CXCL17: variants seen among roughly 807,000 people sequenced by gnomAD.
CXCL17 encodes the protein C-X-C motif chemokine ligand 17, also known as C-X-C motif chemokine 17.
CXCL17 carries 9 observed loss-of-function variants against 15.5 expected under a neutral mutation model. The ratio of observed to expected loss-of-function variants is 0.58; its 90% CI spans 0.35 to 1.01. The LOEUF (loss-of-function observed/expected upper bound fraction) is 1.01. Among genes scored for constraint, CXCL17 ranks in the 50% least tolerant of loss-of-function variants. CXCL17 has a pLI of 0.02. For missense variants in CXCL17, 133 were observed against 138.2 expected (o/e 0.96, Z 0.19); for synonymous variants, 52 against 52.3 (o/e 0.99, Z 0.02).
chr19:42,433,187 G>A (rs1341270712), intron 2 of CXCL17, 110 bp from the exon 3 acceptor site: 2 of 717,966 alleles, frequency 2.8e-6, no homozygotes, highest in Non-Finnish European at 4.7e-6. Context: ...CACTGCAATG[G>A]GGTGGGAAAA....
chr19:42,438,384 ATATAT>A (rs2040856502), intron 1 of CXCL17, among the ~76,000 whole-genome samples: 1 of 68,228 alleles, frequency 1.5e-5, no homozygotes, highest in African/African-American at 9.2e-5. Flanking sequence ...AAAAAAAAAT[ATATAT>A]ATATATATAT....
At chr19:42,435,602 G>A (rs764536434) in intron 1 of CXCL17, among the ~76,000 whole-genome samples, 2 of 152,116 alleles carry the variant, frequency 1.3e-5, no homozygotes, top group Non-Finnish European at 2.9e-5. Context: ...GGAGGCCGAG[G>A]TGGGTGAATC....
chr19:42,439,674 A>G (rs567544063), intron 1 of CXCL17, among the ~76,000 whole-genome samples: 5 of 152,230 alleles, frequency 3.3e-5, no homozygotes, highest in African/African-American at 1.2e-4. Context: ...CCAGAGAAGG[A>G]TACATCACTT....
At chr19:42,439,820 A>G (rs2040874306) in intron 1 of CXCL17, among the ~76,000 whole-genome samples, 1 of 152,246 alleles carries the variant, frequency 6.6e-6, no homozygotes, top group Admixed American at 6.5e-5. Context: ...CTGAGAAACT[A>G]TCCCAGGTTG....
chr19:42,435,699 G>A (rs1182659352), intron 1 of CXCL17, among the ~76,000 whole-genome samples: 1 of 151,954 alleles, frequency 6.6e-6, no homozygotes, highest in African/African-American at 2.4e-5. Context: ...GCATGGTGGC[G>A]CGTGCCTGTA....
intron 1 of CXCL17, among the ~76,000 whole-genome samples, chr19:42,437,976 A>T (rs952306128): frequency 2.5e-4 from 38 of 152,110 alleles, no homozygotes; most frequent in Middle Eastern, 6.8e-3. Flanking sequence ...CTATATATAT[A>T]TTTTTTCTAC....
In CXCL17 at chr19:42,440,105, A is replaced by G. The variant is rs1568623447; in HGVS notation, c.79+2649T>C. 2.0e-5 allele frequency among the ~76,000 whole-genome samples: 3 copies of G among 152,310 alleles called. No individual in the cohort carries two copies. In the South Asian group the frequency reaches 6.2e-4, roughly 32 times the overall value. ...AAAAGTAAGAAAAAGTAAGAAATGC[A>G]TTAGATTTGTGAGGACAAATGAGAT... is the stretch of plus-strand genomic sequence containing the variant. On this transcript the variant is annotated intron_variant, in intron 1 of 3. Coordinates refer to ENST00000601181, the MANE Select transcript of CXCL17 (RefSeq NM_198477.3).
intron 1 of CXCL17, among the ~76,000 whole-genome samples, chr19:42,434,353 A>T (rs2040812585): frequency 6.6e-6 from 1 of 152,168 alleles, no homozygotes. Context: ...CTCATGACTT[A>T]AAAGAGTGAG....
chr19:42,442,563 C>T (rs1164688908), intron 1 of CXCL17, among the ~76,000 whole-genome samples, 191 bp downstream of exon 1: 1 of 152,128 alleles, frequency 6.6e-6, no homozygotes, highest in Admixed American at 6.6e-5. Flanking sequence ...TACAATATCT[C>T]GTTTAACTCT....
In CXCL17 at chr19:42,442,806, G is replaced by T; in HGVS notation, c.27C>A (p.Leu9=). The T allele has an allele frequency of 6.2e-7, 1 of 1,613,714 alleles. No homozygotes were observed. Among genetic ancestry groups the T allele is most frequent in the Non-Finnish European group, 8.5e-7 (1 of 1,179,828 alleles). The part of the protein sequence containing the change: MKVLISSL[L]LLLPLMLMSM... ...ACATCAGCATTAGTGGCAGCAACAGGAGGAGGGAAGAGATTAGAACTTTCA... is the reference window on the plus strand; with the variant it reads ...ACATCAGCATTAGTGGCAGCAACAGTAGGAGGGAAGAGATTAGAACTTTCA... The change falls in exon 1 of 4, where the codon CTC becomes CTA. Residue 9 remains leucine (L), a synonymous_variant. Transcript: ENST00000601181.
At position 42,430,670 on chromosome 19, in the gene CXCL17, T is replaced by TCTCTCC. The variant is rs376197685; in HGVS notation, c.263-1695_263-1690dup. Among the ~76,000 whole-genome samples the TCTCTCC allele has an allele frequency of 4.3e-4, 65 of 152,210 alleles. 1 individual carries two copies. The highest frequency in any genetic ancestry group is 1.5e-3 in the African/African-American group (63 of 41,552). ...ACCCCTCCTTTTCTGATCACTGCTTTCTCTCCCCCTCACAGTGATAATCTT... is the reference window on the plus strand; with the variant it reads ...ACCCCTCCTTTTCTGATCACTGCTTTCTCTCCCTCTCCCCCTCACAGTGATAATCTT... On this transcript the variant is annotated intron_variant, in intron 3 of 3. Transcript: ENST00000601181.
At chr19:42,431,214 G>A (rs2040777155) in intron 3 of CXCL17, among the ~76,000 whole-genome samples, 1 of 152,166 alleles carries the variant, frequency 6.6e-6, no homozygotes, top group Admixed American at 6.5e-5. Flanking sequence ...TTAGCTGTTT[G>A]GGTTTCATCA....
chr19:42,439,249 A>G (rs1423761908), intron 1 of CXCL17, among the ~76,000 whole-genome samples: 4 of 66,310 alleles, frequency 6.0e-5, no homozygotes, highest in Admixed American at 5.5e-4. Flanking sequence ...GCAAGACTCT[A>G]TCTCAAAAAA....
In CXCL17 at chr19:42,432,988, C is replaced by A. The variant is rs765830298; in HGVS notation, c.250G>T (p.Val84Leu). 5.0e-6 allele frequency: 8 copies of A among 1,613,562 alleles called. No individual in the cohort carries two copies. The highest frequency in any genetic ancestry group is 5.1e-6 in the Non-Finnish European group (6 of 1,179,466). ...QCPCDHFKGN[V>L]KKTRHQRHHR... The stretch of plus-strand genomic sequence containing the variant: ...TTTGGAAACTTACTTGTTTTCTTCA[C>A]ATTGCCCTTGAAATGATCACAGGGG... The change falls in exon 3 of 4, where the codon GTG becomes TTG. Residue 84 changes from valine to leucine, a missense_variant. By Grantham distance (32) the Val-to-Leu change is conservative (BLOSUM62 1). Coordinates refer to ENST00000601181, the MANE Select transcript of CXCL17 (RefSeq NM_198477.3).
chr19:42,428,649 A>G lies in CXCL17; in HGVS notation c.*235T>C, dbSNP rs572278103. The G allele has an allele frequency of 4.9e-6, 2 of 405,612 alleles. No homozygotes were observed. Among genetic ancestry groups the G allele is most frequent in the African/African-American group, 4.0e-5 (2 of 49,452 alleles). The allele number at this position is 405,612 out of a possible 1,614,324, so 25.1% of individuals were successfully genotyped here. On this transcript the variant is annotated 3_prime_UTR_variant, in exon 4 of 4. Coordinates refer to ENST00000601181, the MANE Select transcript of CXCL17 (RefSeq NM_198477.3). Reference sequence around the variant, plus strand: ...ACAGTTTCCTGGAATCTTTCAGGTAATTAAGCCTAAGCCTGGGTAAGGGGA... The same window carrying G: ...ACAGTTTCCTGGAATCTTTCAGGTAGTTAAGCCTAAGCCTGGGTAAGGGGA...
intron 1 of CXCL17, among the ~76,000 whole-genome samples, chr19:42,437,472 A>G (rs1233039337): frequency 6.6e-6 from 1 of 152,230 alleles, no homozygotes; most frequent in Non-Finnish European, 1.5e-5. Flanking sequence ...GCCTGGGGTC[A>G]GCTACTGGCT....
intron 2 of CXCL17, among the ~76,000 whole-genome samples, chr19:42,433,364 G>C (rs1053369937): frequency 1.1e-4 from 17 of 152,250 alleles, no homozygotes; most frequent in Admixed American, 1.3e-4. Context: ...GAGGAGTAAG[G>C]CTTGGGTGTC....
intron 1 of CXCL17, among the ~76,000 whole-genome samples, chr19:42,441,187 CAG>C (rs772514765): frequency 1.3e-5 from 2 of 152,068 alleles, no homozygotes; most frequent in East Asian, 1.9e-4. Flanking sequence ...CCTAGAAGGA[CAG>C]GGGGTGGGGG....
At chr19:42,441,200 C>T (rs1376400181) in intron 1 of CXCL17, among the ~76,000 whole-genome samples, 1 of 152,058 alleles carries the variant, frequency 6.6e-6, no homozygotes, top group Non-Finnish European at 1.5e-5. Context: ...GGGGTGGGGG[C>T]AGGAAAGGCA....
Sources: allele counts gnomAD v4.1 joint callset (sites outside exome capture counted in the v4.1 genomes callset), GRCh38; gene constraint gnomAD v4.1.1; transcripts MANE v1.5; gene names NCBI Gene and HGNC (gene_info 2026-07-23, HGNC 2026-07-21).